Variants in SOHLH2 observed in about 807,000 individuals in gnomAD.
The protein encoded by SOHLH2 is spermatogenesis- and oogenesis-specific basic helix-loop-helix-containing protein 2.
A neutral mutation model predicts 50.4 loss-of-function variants in SOHLH2; 22 were observed. The ratio of observed to expected loss-of-function variants is 0.44; its 90% CI spans 0.31 to 0.62. The LOEUF is 0.62. Ranked by LOEUF, SOHLH2 falls within the 20% of genes least tolerant of loss-of-function variation. SOHLH2 has a pLI of 0.08. For missense variants in SOHLH2, 412 were observed against 504.4 expected, an observed-to-expected ratio of 0.82 and a Z score of 1.76; for synonymous variants, 185 against 187.3, an observed-to-expected ratio of 0.99 and a Z score of 0.10.
chr13:36,179,514 T>G (rs1161192400), intron 6 of SOHLH2, among the ~76,000 whole-genome samples: 2 of 152,178 alleles, frequency 1.3e-5, no homozygotes, highest in Non-Finnish European at 1.5e-5. Context: ...GCTCAAGTGA[T>G]TCTCATGCCT....
In SOHLH2 at chr13:36,174,747, T is replaced by C. The variant is rs969292295; in HGVS notation, c.764A>G (p.Lys255Arg). The C allele has an allele frequency of 6.2e-7, 1 of 1,608,420 alleles. No homozygotes were observed. Among genetic ancestry groups the C allele is most frequent in the Non-Finnish European group, 8.5e-7 (1 of 1,178,184 alleles). Residue 255 changes from lysine to arginine, a missense_variant, in exon 7 of 11, where the codon AAA becomes AGA. Physicochemically the swap from Lys to Arg is conservative, Grantham distance 26. Coordinates refer to ENST00000379881, the MANE Select transcript of SOHLH2 (RefSeq NM_017826.3). ...CTGGGCCATAACGGCTGGAGAGATT[T>C]TCTCCCGGATATATTTCACATAATC... Reference protein sequence around the residue: ...TVDYVKYIREKISPAVMAQIT... With the variant: ...TVDYVKYIRERISPAVMAQIT...
At chr13:36,195,828 G>C (rs1019496838) in intron 2 of SOHLH2, among the ~76,000 whole-genome samples, 5 of 152,178 alleles carry the variant, frequency 3.3e-5, no homozygotes, top group African/African-American at 1.2e-4. Context: ...GAATTCTGGG[G>C]AGTTTAGGCT....
In SOHLH2 at chr13:36,174,762, T is replaced by G. The variant is rs143431759; in HGVS notation, c.749A>C (p.Lys250Thr). The G allele has an allele frequency of 3.7e-6, 6 of 1,611,206 alleles. No homozygotes were observed. In the East Asian group the frequency reaches 6.7e-5, roughly 18 times the overall value. The change falls in exon 7 of 11, where the codon AAA becomes ACA. Residue 250 changes from lysine (K) to threonine (T), a missense_variant. Transcript: ENST00000379881. The stretch of plus-strand genomic sequence containing the variant: ...TGGAGAGATTTTCTCCCGGATATAT[T>G]TCACATAATCAACTGTTGCCTCAAG... ...SVLEATVDYV[K>T]YIREKISPAV...
At position 36,189,977 on chromosome 13, in the gene SOHLH2, G is replaced by A. The variant is rs370201283; in HGVS notation, c.610C>T (p.Leu204Phe). The A allele has an allele frequency of 4.1e-5, 66 of 1,602,994 alleles. No homozygotes were observed. In the Middle Eastern group the frequency reaches 1.2e-3, roughly 28 times the overall value. Reference protein sequence around the residue: ...SEFEKNKKISLLHSSKEKLRR... With the variant: ...SEFEKNKKISFLHSSKEKLRR... ...AGTTTTTCCTTGCTTGAATGAAGAAGAGAGATCTTTTTGTTTTTCTCGAAC... is the reference window on the plus strand; with the variant it reads ...AGTTTTTCCTTGCTTGAATGAAGAAAAGAGATCTTTTTGTTTTTCTCGAAC... The change falls in exon 6 of 11, where the codon CTT (leucine) becomes TTT (phenylalanine). Residue 204 changes from leucine (L) to phenylalanine (F), a missense_variant. Coordinates refer to ENST00000379881, the MANE Select transcript of SOHLH2 (RefSeq NM_017826.3).
At chr13:36,173,560 G>T in intron 9 of SOHLH2, 132 bp downstream of exon 9, 1 of 1,046,000 alleles carries the variant, frequency 9.6e-7, no homozygotes. Flanking sequence ...TGTACCTGAG[G>T]CTGACAATAC....
At chr13:36,195,524 G>A (rs758936733) in intron 2 of SOHLH2, among the ~76,000 whole-genome samples, 1 of 152,086 alleles carries the variant, frequency 6.6e-6, no homozygotes, top group Non-Finnish European at 1.5e-5. Context: ...GAAGAAAAAT[G>A]GGCAACGGAA....
intron 1 of SOHLH2, among the ~76,000 whole-genome samples, chr13:36,213,793 C>T (rs1259893819): frequency 1.3e-5 from 2 of 152,122 alleles, no homozygotes; most frequent in African/African-American, 2.4e-5. Context: ...GGAAGCTCCA[C>T]GAAGGACACT....
intron 6 of SOHLH2, among the ~76,000 whole-genome samples, chr13:36,184,400 C>G (rs894529918): frequency 6.8e-6 from 1 of 147,142 alleles, no homozygotes; most frequent in African/African-American, 2.5e-5. Context: ...GCTTTAAGTG[C>G]TTATATTAGA....
intron 4 of SOHLH2, 69 bp downstream of exon 4, chr13:36,193,552 A>G: frequency 6.8e-7 from 1 of 1,462,516 alleles, no homozygotes; most frequent in Non-Finnish European, 9.2e-7. Flanking sequence ...TGTTTTTGTC[A>G]GAATATATGA....
At chr13:36,192,618 A>G (rs374893116) in intron 4 of SOHLH2, among the ~76,000 whole-genome samples, 5 of 152,176 alleles carry the variant, frequency 3.3e-5, no homozygotes, top group Non-Finnish European at 7.4e-5. Context: ...AGAAAAAATC[A>G]TCTTAATTTT....
chr13:36,212,619 C>T (rs1373438261), intron 1 of SOHLH2, among the ~76,000 whole-genome samples: 2 of 152,152 alleles, frequency 1.3e-5, no homozygotes, highest in Admixed American at 6.5e-5. Context: ...TGTTAGGCTT[C>T]GTTTGATGAA....
chr13:36,208,283 T>C (rs892439728), intron 1 of SOHLH2, among the ~76,000 whole-genome samples: 9 of 152,232 alleles, frequency 5.9e-5, no homozygotes, highest in African/African-American at 2.2e-4. Flanking sequence ...ACATTTATGA[T>C]TTGGAAATCT....
chr13:36,183,421 C>A (rs1566038338), intron 6 of SOHLH2, among the ~76,000 whole-genome samples: 1 of 152,172 alleles, frequency 6.6e-6, no homozygotes. Context: ...AGATGCATAT[C>A]ATAATCCCTA....
chr13:36,176,536 A>T (rs1003242213), intron 6 of SOHLH2, among the ~76,000 whole-genome samples: 1 of 152,140 alleles, frequency 6.6e-6, no homozygotes, highest in Admixed American at 6.5e-5. Context: ...ATTTGCATAG[A>T]CATAATAAGA....
intron 6 of SOHLH2, among the ~76,000 whole-genome samples, chr13:36,179,343 A>G (rs949392936): frequency 6.6e-6 from 1 of 152,180 alleles, no homozygotes; most frequent in East Asian, 1.9e-4. Context: ...GCATTGTCAA[A>G]TATTTTTTCA....
At chr13:36,170,331 G>C (rs546989071) in intron 10 of SOHLH2, among the ~76,000 whole-genome samples, 200 bp downstream of exon 10, 2 of 152,096 alleles carry the variant, frequency 1.3e-5, no homozygotes, top group Non-Finnish European at 2.9e-5. Flanking sequence ...TCTGGATATC[G>C]AGACACCAGC....
chr13:36,201,085 G>A (rs7992507), intron 2 of SOHLH2, among the ~76,000 whole-genome samples: 12,982 of 144,278 alleles, frequency 0.09, 607 homozygotes, highest in East Asian at 0.13. Context: ...AAGAAAAGAA[G>A]CAGAACTTAT....
intron 1 of SOHLH2, among the ~76,000 whole-genome samples, chr13:36,211,609 C>A (rs935883896): frequency 1.3e-5 from 2 of 152,178 alleles, no homozygotes; most frequent in African/African-American, 4.8e-5. Flanking sequence ...GGGAAGGGAG[C>A]AAAGCCATTT....
Position 36,169,035 on chromosome 13 carries a change from T to C in SOHLH2, c.1277A>G (p.Ter426=). ...AGTGTGAATTTCAAACATGTGCTTT[T>C]AATACGCCCAAAACTGTTGCTGCAA... is the stretch of plus-strand genomic sequence containing the variant. ...PNCLQQFWAY[*] is the part of the protein sequence containing the mutation. Residue 426 remains the stop codon, a stop_retained_variant, in exon 11 of 11, where the codon TAA becomes TGA. Coordinates refer to ENST00000379881, the MANE Select transcript of SOHLH2 (RefSeq NM_017826.3). The C allele has an allele frequency of 6.2e-7, 1 of 1,607,718 alleles. No individual in the cohort carries two copies. The highest frequency in any genetic ancestry group is 8.5e-7 in the Non-Finnish European group (1 of 1,178,136).
Sources: allele counts gnomAD v4.1 joint callset (sites outside exome capture counted in the v4.1 genomes callset), GRCh38; gene constraint gnomAD v4.1.1; transcripts MANE v1.5; gene names NCBI Gene and HGNC (gene_info 2026-07-23, HGNC 2026-07-21).